The following C18orf63 variants were observed in gnomAD, a reference collection of about 807,000 sequenced individuals.
The protein encoded by C18orf63 is uncharacterized protein C18orf63.
A neutral mutation model predicts 75.3 loss-of-function variants in C18orf63; 50 were observed. The observed-to-expected ratio is 0.66, with a 90% CI of 0.53 to 0.84. The LOEUF (loss-of-function observed/expected upper bound fraction) is 0.84. C18orf63 is among the 40% of genes least tolerant of loss of function. The pLI is 0.00. For synonymous variants in C18orf63, 232 were observed against 267.6 expected (o/e 0.87, Z 1.30); for missense variants, 732 against 800.2 (o/e 0.91, Z 1.03).
At chr18:74,327,095 C>G (rs1599001939) in intron 4 of C18orf63, among the ~76,000 whole-genome samples, 3 of 152,014 alleles carry the variant, frequency 2.0e-5, no homozygotes, top group African/African-American at 7.2e-5. Flanking sequence ...TGAAGCATGA[C>G]AAGATAACGA....
intron 7 of C18orf63, among the ~76,000 whole-genome samples, chr18:74,336,925 C>T (rs933900598): frequency 6.6e-6 from 1 of 152,046 alleles, no homozygotes; most frequent in Non-Finnish European, 1.5e-5. Context: ...GAAATGGACT[C>T]CTCTCTGCCT....
At chr18:74,337,198 G>A (rs898104235) in intron 7 of C18orf63, among the ~76,000 whole-genome samples, 38 of 152,092 alleles carry the variant, frequency 2.5e-4, no homozygotes, top group Admixed American at 2.4e-3. Flanking sequence ...CTGCTTTTCA[G>A]TATGGTTTTA....
intron 7 of C18orf63, among the ~76,000 whole-genome samples, chr18:74,334,003 G>C (rs888045345): frequency 5.3e-5 from 8 of 152,096 alleles, no homozygotes; most frequent in African/African-American, 1.9e-4. Context: ...ACAAAAATTA[G>C]TTTCATATAT....
At chr18:74,342,470 C>A (rs2145126879) in intron 10 of C18orf63, 144 bp downstream of exon 10, 1 of 571,528 alleles carries the variant, frequency 1.7e-6, no homozygotes, top group Non-Finnish European at 3.1e-6. Flanking sequence ...TTCTTATCTG[C>A]ACAAGTGTTT....
intron 10 of C18orf63, 66 bp downstream of exon 10, chr18:74,342,392 C>T (rs573329727): frequency 5.8e-5 from 53 of 913,988 alleles, no homozygotes; most frequent in Non-Finnish European, 7.8e-5. Flanking sequence ...TTTGCTCCCA[C>T]TCTCATGTCA....
At chr18:74,342,443 G>T in intron 10 of C18orf63, 117 bp downstream of exon 10, 2 of 631,338 alleles carry the variant, frequency 3.2e-6, no homozygotes, top group East Asian at 2.7e-5. Flanking sequence ...CTGAAACTAT[G>T]GTACATTTCC....
At chr18:74,345,018 A>G (rs1984549736) in intron 11 of C18orf63, among the ~76,000 whole-genome samples, 1 of 152,130 alleles carries the variant, frequency 6.6e-6, no homozygotes, top group Non-Finnish European at 1.5e-5. Context: ...AAAGCAGTAT[A>G]GGAGAATTTA....
At chr18:74,355,322 T>C (rs1423070268) in intron 13 of C18orf63, among the ~76,000 whole-genome samples, 1 of 110,028 alleles carries the variant, frequency 9.1e-6, no homozygotes, top group Admixed American at 8.6e-5. Flanking sequence ...TTTGACATCT[T>C]AATATTTTAA....
chr18:74,333,628 C>A lies in C18orf63; in HGVS notation c.501+2686C>A, dbSNP rs184519812. On this transcript the variant is annotated intron_variant, in intron 7 of 13. Transcript: ENST00000579455. ...TATCACAAGAACTGCATGAGGGTAA[C>A]TGCCCCCATGAGTAAATTACCTCCC... Among the ~76,000 whole-genome samples the A allele has an allele frequency of 3.2e-3, 487 of 152,236 alleles. 1 individual carries two copies. The highest frequency in any genetic ancestry group is 4.0e-3 in the Non-Finnish European group (274 of 68,010).
chr18:74,353,323 G>A lies in C18orf63; in HGVS notation c.1056G>A (p.Lys352=), dbSNP rs79487804. The A allele has an allele frequency of 1.5e-3, 2,250 of 1,536,418 alleles. 35 individuals are homozygous for A. The African/African-American group carries it at 0.027, about 18-fold the overall frequency. The change falls in exon 12 of 14, where the codon AAG becomes AAA. Residue 352 remains lysine, a synonymous_variant. Transcript: ENST00000579455. ...CTCTGACTCAAGCCACTTCCAGAAA[G>A]CCTGCCTGTGCTCAAAGTCTTCTAC... The part of the protein sequence containing the change: ...RASLTQATSR[K]PACAQSLLPC...
intron 7 of C18orf63, among the ~76,000 whole-genome samples, chr18:74,332,164 G>A (rs1984319093): frequency 6.6e-6 from 1 of 152,130 alleles, no homozygotes; most frequent in African/African-American, 2.4e-5. Flanking sequence ...ATTTATTAAA[G>A]TTATAGAGGC....
intron 11 of C18orf63, among the ~76,000 whole-genome samples, chr18:74,351,037 T>C (rs1984657690): frequency 6.6e-6 from 1 of 152,188 alleles, no homozygotes; most frequent in Non-Finnish European, 1.5e-5. Context: ...TACTTTGTTA[T>C]AGCAGCCAAA....
chr18:74,325,657 C>G (rs1984195051), intron 4 of C18orf63, among the ~76,000 whole-genome samples: 2 of 152,174 alleles, frequency 1.3e-5, no homozygotes, highest in Non-Finnish European at 2.9e-5. Context: ...TTCTCTGTTT[C>G]TCCTTGAAGT....
intron 2 of C18orf63, 40 bp downstream of exon 2, chr18:74,318,039 T>C: frequency 2.2e-6 from 3 of 1,338,430 alleles, no homozygotes; most frequent in Non-Finnish European, 2.9e-6. Context: ...TTTAAAACTT[T>C]GAGACCTATA....
chr18:74,345,377 G>T (rs929696311), intron 11 of C18orf63, among the ~76,000 whole-genome samples: 1 of 151,556 alleles, frequency 6.6e-6, no homozygotes, highest in Non-Finnish European at 1.5e-5. Flanking sequence ...TTGGCAGCAG[G>T]TCCTAATTTA....
At position 74,356,541 on chromosome 18, in the gene C18orf63, C is replaced by T. The variant is rs1984768450; in HGVS notation, c.*94C>T. On this transcript the variant is annotated 3_prime_UTR_variant, in exon 14 of 14. Coordinates refer to ENST00000579455, the MANE Select transcript of C18orf63 (RefSeq NM_001174123.2). The stretch of plus-strand genomic sequence containing the variant: ...CAGATGCCTCTCACACTCCTGTGAC[C>T]ATGAAATCAGCTCTACTTACTGCTG... 6.6e-6 allele frequency: 1 copy of T among 152,598 alleles called. No homozygotes were observed. Among genetic ancestry groups the T allele is most frequent in the South Asian group, 2.1e-4 (1 of 4,826 alleles). 9.5% of individuals were successfully genotyped at this position (152,598 alleles called of 1,614,324 possible).
At chr18:74,341,143 A>G (rs1984475911) in intron 8 of C18orf63, among the ~76,000 whole-genome samples, 1 of 151,662 alleles carries the variant, frequency 6.6e-6, no homozygotes, top group Non-Finnish European at 1.5e-5. Context: ...GGGCGCCTGT[A>G]GTCCCAGCTA....
At chr18:74,355,697 A>G (rs1984753180) in intron 13 of C18orf63, among the ~76,000 whole-genome samples, 2 of 152,116 alleles carry the variant, frequency 1.3e-5, no homozygotes, top group South Asian at 4.1e-4. Flanking sequence ...AGGCAGGTGG[A>G]TCACCTGAGA....
chr18:74,317,587 T>C (rs560882091), intron 1 of C18orf63, among the ~76,000 whole-genome samples: 1 of 152,330 alleles, frequency 6.6e-6, no homozygotes, highest in Non-Finnish European at 1.5e-5. Flanking sequence ...CAGTGAATTG[T>C]ACACATTAAA....
Sources: allele counts gnomAD v4.1 joint callset (sites outside exome capture counted in the v4.1 genomes callset), GRCh38; gene constraint gnomAD v4.1.1; transcripts MANE v1.5; gene names NCBI Gene and HGNC (gene_info 2026-07-23, HGNC 2026-07-21).